The following PFKP variants were observed in gnomAD, a reference collection of about 807,000 sequenced individuals.
The protein encoded by PFKP is ATP-dependent 6-phosphofructokinase, platelet type.
PFKP carries 101 observed loss-of-function variants against 94.3 expected under a neutral mutation model. The observed-to-expected ratio is 1.07, with a 90% CI of 0.91 to 1.26. PFKP has a LOEUF of 1.26. Ranked by LOEUF, PFKP falls within the 50% of genes most tolerant of loss-of-function variation. The pLI is 0.00. For synonymous variants in PFKP, 573 were observed against 432.6 expected, an observed-to-expected ratio of 1.32 and a Z score of -4.03; for missense variants, 1,145 against 1,103.3, an observed-to-expected ratio of 1.04 and a Z score of -0.53.
chr10:3,086,176 A>G (rs1449350845), intron 2 of PFKP, among the ~76,000 whole-genome samples: 1 of 152,122 alleles, frequency 6.6e-6, no homozygotes, highest in African/African-American at 2.4e-5. Flanking sequence ...AGTTCACAGA[A>G]TGTTTCCCAG....
intron 1 of PFKP, among the ~76,000 whole-genome samples, chr10:3,070,071 C>T (rs1016121028): frequency 1.3e-5 from 2 of 152,244 alleles, no homozygotes; most frequent in African/African-American, 4.8e-5. Context: ...ATGGTGGCCT[C>T]GAGCCCACAT....
chr10:3,070,468 A>C (rs1190237884), intron 1 of PFKP, among the ~76,000 whole-genome samples: 1 of 152,206 alleles, frequency 6.6e-6, no homozygotes, highest in African/African-American at 2.4e-5. Flanking sequence ...TATTAATTTC[A>C]GGGGAATTTT....
intron 16 of PFKP, among the ~76,000 whole-genome samples, chr10:3,121,803 C>T (rs200796432): frequency 0.061 from 1,962 of 32,128 alleles, 167 homozygotes; most frequent in Middle Eastern, 0.16. Flanking sequence ...CTTTTTTTTT[C>T]TTTTTTTTTT....
In PFKP at chr10:3,116,255, G is replaced by A. The variant is rs535862198; in HGVS notation, c.1372-521G>A. ...GCATGGCAGTGTGTCCACCACATCC[G>A]TGAACTTACCCAGAATCTCGTGACC... On this transcript the variant is annotated intron_variant, in intron 13 of 21. Coordinates refer to ENST00000381125, the MANE Select transcript of PFKP (RefSeq NM_002627.5). Among the ~76,000 whole-genome samples, 39 of 152,244 alleles carry A rather than the reference G, an allele frequency of 2.6e-4. 1 individual carries two copies. Among genetic ancestry groups the A allele is most frequent in the Admixed American group, 9.2e-4 (14 of 15,276 alleles).
chr10:3,101,244 C>T (rs902792694), intron 3 of PFKP, 121 bp from the exon 4 acceptor site: 2 of 872,444 alleles, frequency 2.3e-6, no homozygotes, highest in Admixed American at 2.8e-5. Context: ...TACTAACTCA[C>T]AAGATGAAAA....
At chr10:3,068,746 G>C (rs1161253165) in intron 1 of PFKP, 1 of 974,468 alleles carries the variant, frequency 1.0e-6, no homozygotes, top group African/African-American at 1.8e-5. Context: ...CTGGCGGGTA[G>C]ATCGGCGCTT....
intron 2 of PFKP, among the ~76,000 whole-genome samples, chr10:3,087,155 C>T (rs2079343146): frequency 6.6e-6 from 1 of 152,152 alleles, no homozygotes; most frequent in African/African-American, 2.4e-5. Context: ...GACGGGGTTT[C>T]AACATGTTGG....
chr10:3,127,025 C>T (rs1397930622), intron 16 of PFKP, among the ~76,000 whole-genome samples: 3 of 152,282 alleles, frequency 2.0e-5, no homozygotes, highest in South Asian at 2.1e-4. Context: ...GAGGCACCTC[C>T]GTGCCACACT....
intron 4 of PFKP, among the ~76,000 whole-genome samples, chr10:3,102,250 C>CAAAAAAAAAAAAAAAAAAAAAAAA (rs757381364): frequency 1.8e-5 from 1 of 54,776 alleles, no homozygotes; most frequent in Non-Finnish European, 3.4e-5. Flanking sequence ...GACTCTGTCT[C>CAAAAAAAAAAAAAAAAAAAAAAAA]AAAAAAAAAA....
chr10:3,089,354 A>G (rs578253185), intron 2 of PFKP, among the ~76,000 whole-genome samples: 1 of 152,012 alleles, frequency 6.6e-6, no homozygotes, highest in East Asian at 1.9e-4. Flanking sequence ...TTCTTTGTCC[A>G]TTTATCCGCT....
At chr10:3,075,194 T>C (rs1446078747) in intron 1 of PFKP, among the ~76,000 whole-genome samples, 2 of 152,184 alleles carry the variant, frequency 1.3e-5, no homozygotes, top group East Asian at 3.9e-4. Flanking sequence ...CTTGCCCTCA[T>C]TCCCATAAAC....
In PFKP at chr10:3,103,812, C is replaced by T. The variant is rs763008329; in HGVS notation, c.488C>T (p.Ala163Val). The T allele has an allele frequency of 9.3e-6, 15 of 1,613,908 alleles. No individual in the cohort carries two copies. The highest frequency in any genetic ancestry group is 1.3e-5 in the Non-Finnish European group (15 of 1,180,042). ...QIDKEAVQKY[A>V]YLNVVGMVGS... ...GATAAGGAGGCCGTGCAGAAGTACG[C>T]CTACCTCAACGTGGTGGGCATGGTG... The change falls in exon 5 of 22, where the codon GCC becomes GTC. Residue 163 changes from alanine to valine, a missense_variant. By Grantham distance (64) the Ala-to-Val change is moderately conservative (BLOSUM62 0). Coordinates refer to ENST00000381125, the MANE Select transcript of PFKP (RefSeq NM_002627.5).
At chr10:3,124,079 G>A (rs1010761596) in intron 16 of PFKP, among the ~76,000 whole-genome samples, 6 of 137,606 alleles carry the variant, frequency 4.4e-5, no homozygotes, top group African/African-American at 1.4e-4. Context: ...CGAAGCCCTC[G>A]GCCCACACGG....
At chr10:3,104,904 C>G (rs4424569) in intron 5 of PFKP, 171,744 of 631,172 alleles carry the variant, frequency 0.27, 24,923 homozygotes, top group East Asian at 0.48. Flanking sequence ...AGTCCCCTTC[C>G]TCGCAGGAGT....
At chr10:3,074,103 G>A (rs531716764) in intron 1 of PFKP, among the ~76,000 whole-genome samples, 51 of 152,254 alleles carry the variant, frequency 3.3e-4, no homozygotes, top group African/African-American at 1.2e-3. Context: ...GCCTCCCAAA[G>A]TGCTGGTATT....
At chr10:3,113,057 CAT>C (rs1554771875) in intron 11 of PFKP, 60 bp from the exon 12 acceptor site, 7 of 1,474,596 alleles carry the variant, frequency 4.7e-6, no homozygotes, top group South Asian at 1.2e-5. Context: ...CTTTTCTCCA[CAT>C]GAGCCCTGAG....
intron 21 of PFKP, 86 bp from the exon 22 acceptor site, chr10:3,136,364 G>A (rs1253855619): frequency 6.9e-7 from 1 of 1,441,404 alleles, no homozygotes; most frequent in Non-Finnish European, 9.6e-7. Context: ...TGTGTTTCTG[G>A]CAAGACCGCT....
intron 16 of PFKP, among the ~76,000 whole-genome samples, chr10:3,124,075 C>A (rs946062868): frequency 2.0e-5 from 3 of 151,896 alleles, no homozygotes; most frequent in African/African-American, 7.3e-5. Context: ...TGTCCGAAGC[C>A]CTCGGCCCAC....
intron 19 of PFKP, 74 bp downstream of exon 19, chr10:3,133,388 G>C (rs951212248): frequency 3.2e-6 from 3 of 945,978 alleles, no homozygotes; most frequent in South Asian, 1.3e-5. Context: ...TCTTATTTTA[G>C]CCATTGTGGG....
Sources: gnomAD v4.1 joint callset for allele counts (sites outside exome capture counted in the v4.1 genomes callset) on GRCh38, gnomAD v4.1.1 for gene constraint, MANE v1.5 for transcripts, NCBI Gene and HGNC (gene_info 2026-07-23, HGNC 2026-07-21) for gene names.